The following SPATC1L variants were observed in gnomAD, a reference collection of about 807,000 sequenced individuals.
SPATC1L encodes spermatogenesis and centriole associated 1 like, also known as speriolin-like protein.
A neutral mutation model predicts 21.2 loss-of-function variants in SPATC1L; 20 were observed. The ratio of observed to expected loss-of-function variants is 0.94; its 90% CI spans 0.66 to 1.37. The LOEUF (loss-of-function observed/expected upper bound fraction) is 1.37. SPATC1L is among the 40% of genes most tolerant of loss of function. SPATC1L has a pLI of 0.00. For synonymous variants in SPATC1L, 290 were observed against 234.5 expected, an observed-to-expected ratio of 1.24 and a Z score of -2.16; for missense variants, 499 against 478.7, an observed-to-expected ratio of 1.04 and a Z score of -0.40.
At chr21:46,171,533 C>T (rs1034565043) in intron 2 of SPATC1L, among the ~76,000 whole-genome samples, 1 of 152,088 alleles carries the variant, frequency 6.6e-6, no homozygotes, top group Admixed American at 6.5e-5. Context: ...TCAGCGTGTG[C>T]CCGGCCTCCT....
In SPATC1L at chr21:46,167,174, G is replaced by C. The variant is rs577933153; in HGVS notation, c.544+1134C>G. On this transcript the variant is annotated intron_variant, in intron 3 of 4. Coordinates refer to ENST00000291672, the MANE Select transcript of SPATC1L (RefSeq NM_001142854.2). ...TAAACAATACGCTCCTGGATGGCCA[G>C]TGCATCAGTGAAGAAATTAAGAAGG... 9.8e-5 allele frequency among the ~76,000 whole-genome samples: 15 copies of C among 152,316 alleles called. No homozygotes were observed. In the East Asian group the frequency reaches 2.9e-3, roughly 29 times the overall value.
At position 46,176,883 on chromosome 21, in the gene SPATC1L, A is replaced by G. The variant is rs192913236; in HGVS notation, c.193+5741T>C. Among the ~76,000 whole-genome samples the G allele has an allele frequency of 1.2e-4, 19 of 152,344 alleles. 1 individual carries two copies. The highest frequency in any genetic ancestry group is 4.1e-4 in the South Asian group (2 of 4,826). The stretch of plus-strand genomic sequence containing the variant: ...ATCACACTACCCAACTTCAAACTAT[A>G]CTACAGAGCTACAATAACCAAAACA... On this transcript the variant is annotated intron_variant, in intron 2 of 4. Transcript: ENST00000291672.
At position 46,162,245 on chromosome 21, in the gene SPATC1L, C is replaced by T. The variant is rs531034592; in HGVS notation, c.545-178G>A. ...AGGAGCTTCTTAAAGTGCCAAAGGG[C>T]AAGCCAGCCTTCCCTTCCCCCTGTC... On this transcript the variant is annotated intron_variant, in intron 3 of 4. Transcript: ENST00000291672. Among the ~76,000 whole-genome samples the T allele has an allele frequency of 2.0e-4, 31 of 152,276 alleles. No homozygotes were observed. In the East Asian group the frequency reaches 5.2e-3, roughly 26 times the overall value.
chr21:46,164,885 G>A (rs1009513012), intron 3 of SPATC1L, among the ~76,000 whole-genome samples: 1 of 151,666 alleles, frequency 6.6e-6, no homozygotes, highest in Admixed American at 6.6e-5. Context: ...GAAGAGAAAT[G>A]ATTCTAGTAT....
intron 3 of SPATC1L, among the ~76,000 whole-genome samples, chr21:46,165,894 A>T (rs1321814930): frequency 6.6e-6 from 1 of 152,244 alleles, no homozygotes; most frequent in Non-Finnish European, 1.5e-5. Flanking sequence ...TGTAGGGGGA[A>T]AATGTTCCCA....
chr21:46,166,758 T>C (rs1389125209), intron 3 of SPATC1L, among the ~76,000 whole-genome samples: 1 of 152,184 alleles, frequency 6.6e-6, no homozygotes, highest in Non-Finnish European at 1.5e-5. Flanking sequence ...CACCCAACAC[T>C]GGAGCACCCA....
intron 2 of SPATC1L, among the ~76,000 whole-genome samples, chr21:46,178,232 CAAAAAAAAAAAA>C (rs59110880): frequency 5.1e-5 from 2 of 39,460 alleles, no homozygotes; most frequent in East Asian, 1.3e-3. Context: ...AACTCCATCT[CAAAAAAAAAAAA>C]AAAAAAAAAA....
chr21:46,176,495 A>C (rs8127883), intron 2 of SPATC1L, among the ~76,000 whole-genome samples: 41,550 of 152,024 alleles, frequency 0.27, 6,963 homozygotes, highest in African/African-American at 0.46. Context: ...AACAATCAAG[A>C]CAAGAGCCAA....
intron 2 of SPATC1L, among the ~76,000 whole-genome samples, chr21:46,181,083 C>T (rs1300891417): frequency 1.3e-5 from 2 of 152,198 alleles, no homozygotes; most frequent in Non-Finnish European, 1.5e-5. Context: ...CAGGGTGATT[C>T]CTTCTTGAGG....
Position 46,161,729 on chromosome 21 carries a change from G to C in SPATC1L, c.697-24C>G, listed in dbSNP as rs780684560. On this transcript the variant is annotated intron_variant, in intron 4 of 4. Coordinates refer to ENST00000291672, the MANE Select transcript of SPATC1L (RefSeq NM_001142854.2). ...GTCTGCGGGCGCAGCGCATGGATGG[G>C]GGTGGGGGGCTCGGGGCCCTCGGAC... 1.9e-6 allele frequency: 3 copies of C among 1,558,456 alleles called. No individual in the cohort carries two copies. In the Admixed American group the frequency reaches 5.5e-5, roughly 28 times the overall value.
In SPATC1L at chr21:46,161,718, C is replaced by T. The variant is rs757002210; in HGVS notation, c.697-13G>A. 1.3e-5 allele frequency: 20 copies of T among 1,572,144 alleles called. No individual in the cohort carries two copies. Among genetic ancestry groups the T allele is most frequent in the South Asian group, 1.3e-4 (11 of 87,898 alleles). ...ACTTGGTGGAGGTCTGCGGGCGCAG[C>T]GCATGGATGGGGGTGGGGGGCTCGG... On this transcript the variant is annotated splice_polypyrimidine_tract_variant and intron_variant, in intron 4 of 4. Transcript: ENST00000291672.
In SPATC1L at chr21:46,161,562, G is replaced by A. The variant is rs761537052; in HGVS notation, c.840C>T (p.Asn280=). 2.5e-6 allele frequency: 4 copies of A among 1,610,848 alleles called. No individual in the cohort carries two copies. The highest frequency in any genetic ancestry group is 2.2e-5 in the East Asian group (1 of 44,816). The change falls in exon 5 of 5, where the codon AAC becomes AAT. Residue 280 remains asparagine, a synonymous_variant. Transcript: ENST00000291672. ...VHPAFSEFLI[N]TYGILKQRPD... ...GCCGCTGCTTCAGGATTCCGTAGGT[G>A]TTGATGAGGAACTCGCTGAACGCCG...
chr21:46,177,382 A>C (rs531169455), intron 2 of SPATC1L, among the ~76,000 whole-genome samples: 1 of 152,248 alleles, frequency 6.6e-6, no homozygotes, highest in Non-Finnish European at 1.5e-5. Context: ...TCTAATATTC[A>C]GCATCTATAA....
At chr21:46,179,075 CAAA>C (rs1221584346) in intron 2 of SPATC1L, among the ~76,000 whole-genome samples, 2 of 91,660 alleles carry the variant, frequency 2.2e-5, no homozygotes, top group African/African-American at 4.1e-5. Context: ...CCTGTCTCTA[CAAA>C]AAAAAAAAAA....
rs756458990 is a variant in SPATC1L, at chr21:46,162,036, G to A, written c.576C>T (p.Asp192=). The change falls in exon 4 of 5, where the codon GAC becomes GAT. Residue 192 remains aspartate (D), a synonymous_variant. Transcript: ENST00000291672. ...EIQSFAGAEK[D]ARVVGEIAFQ... ...AGGCGATCTCGCCCACCACGCGCGC[G>A]TCCTTCTCGGCGCCCGCGAAGCTCT... The A allele has an allele frequency of 8.2e-6, 13 of 1,588,840 alleles. No homozygotes were observed. The highest frequency in any genetic ancestry group is 8.0e-5 in the African/African-American group (6 of 74,642).
At chr21:46,167,336 T>G (rs1471790760) in intron 3 of SPATC1L, among the ~76,000 whole-genome samples, 1 of 151,432 alleles carries the variant, frequency 6.6e-6, no homozygotes, top group East Asian at 1.9e-4. Flanking sequence ...AGTGCCTATA[T>G]CAAAAAAGTA....
Position 46,168,482 on chromosome 21 carries a change from G to T in SPATC1L, c.370C>A (p.His124Asn), listed in dbSNP as rs1298160079. Residue 124 changes from histidine to asparagine, a missense_variant, in exon 3 of 5, where the codon CAT (histidine) becomes AAT (asparagine). Coordinates refer to ENST00000291672, the MANE Select transcript of SPATC1L (RefSeq NM_001142854.2). The part of the protein sequence containing the change: ...FKAFLSPPEP[H>N]SHRGTDRKLS... ...TTCCTGTCGGTGCCTCGGTGGCTAT[G>T]TGGCTCTGGGGGACTGAGGAAGGCC... 5.7e-6 allele frequency: 9 copies of T among 1,573,014 alleles called. No homozygotes were observed. The Middle Eastern group carries it at 6.7e-4, about 116-fold the overall frequency.
rs572065868 is a variant in SPATC1L, at chr21:46,184,091, C to T, written c.-959+265G>A. On this transcript the variant is annotated intron_variant, in intron 1 of 4. Transcript: ENST00000291672. ...GGCTGGAGGCCACCTACTGACCTCA[C>T]TCCCTGATGAGAAGGGTCCAGCAGT... Among the ~76,000 whole-genome samples, 10 of 151,502 alleles carry T rather than the reference C, an allele frequency of 6.6e-5. No homozygotes were observed. In the East Asian group the frequency reaches 1.7e-3, roughly 26 times the overall value.
At chr21:46,175,793 C>T (rs62215181) in intron 2 of SPATC1L, among the ~76,000 whole-genome samples, 3 of 152,124 alleles carry the variant, frequency 2.0e-5, no homozygotes, top group African/African-American at 7.2e-5. Flanking sequence ...GAGTCTCCTC[C>T]CTAACTCATT....
Sources: allele counts gnomAD v4.1 joint callset (sites outside exome capture counted in the v4.1 genomes callset), GRCh38; gene constraint gnomAD v4.1.1; transcripts MANE v1.5; gene names NCBI Gene and HGNC (gene_info 2026-07-23, HGNC 2026-07-21).